The following C10orf105 variants were observed in gnomAD, a reference collection of about 807,000 sequenced individuals.
C10orf105 encodes uncharacterized protein C10orf105.
C10orf105 carries 2 observed loss-of-function variants against 0.6 expected under a neutral mutation model. The ratio of observed to expected loss-of-function variants is 3.18; its 90% CI spans 1.30 to 10.01. The LOEUF (loss-of-function observed/expected upper bound fraction) is 10.01. Ranked by LOEUF, C10orf105 falls within the 30% of genes most tolerant of loss-of-function variation. The pLI is 0.04. For synonymous variants in C10orf105, 95 were observed against 82.4 expected (o/e 1.15, Z -0.83); for missense variants, 209 against 191.4 (o/e 1.09, Z -0.54).
chr10:71,723,914 C>A, upstream of C10orf105: 1 of 988,510 alleles, frequency 1.0e-6, no homozygotes. Flanking sequence ...ACACCCCCAG[C>A]CTCTGAGGGA....
intron 1 of C10orf105, among the ~76,000 whole-genome samples, chr10:71,726,028 C>A (rs1490478338): frequency 6.6e-6 from 1 of 152,184 alleles, no homozygotes; most frequent in Non-Finnish European, 1.5e-5. Context: ...CAAATGTATT[C>A]TTTCCTGCCC....
chr10:71,727,166 C>A (rs1019716543), intron 1 of C10orf105, among the ~76,000 whole-genome samples: 2 of 152,226 alleles, frequency 1.3e-5, no homozygotes, highest in Admixed American at 1.3e-4. Context: ...ACTGTTAATA[C>A]CCCCATCTTA....
At chr10:71,717,763 A>C (rs958910539) in intron 1 of C10orf105, 4 of 152,244 alleles carry the variant, frequency 2.6e-5, no homozygotes, top group African/African-American at 9.6e-5. Context: ...TCCCAAGAGA[A>C]GCCAGAAATC....
At chr10:71,734,600 C>G in intron 1 of C10orf105, 1 of 1,588,202 alleles carries the variant, frequency 6.3e-7, no homozygotes, top group Non-Finnish European at 8.6e-7. Context: ...GACGGCTAAC[C>G]ATTTGCATCT....
intron 1 of C10orf105, among the ~76,000 whole-genome samples, chr10:71,736,245 G>T (rs940430200): frequency 2.0e-5 from 3 of 152,242 alleles, no homozygotes; most frequent in African/African-American, 7.2e-5. Context: ...CCTCTGAGAG[G>T]CTCCCAGGGG....
intron 1 of C10orf105, among the ~76,000 whole-genome samples, chr10:71,724,858 G>C (rs1168835312): frequency 6.6e-6 from 1 of 152,230 alleles, no homozygotes; most frequent in East Asian, 1.9e-4. Context: ...TGGACTGACA[G>C]TAGAGGAGAG....
chr10:71,712,718 G>A lies in C10orf105; in HGVS notation c.*3218C>T, dbSNP rs761607917. On this transcript the variant is annotated 3_prime_UTR_variant, in exon 2 of 2. Transcript: ENST00000441508. ...GGGCACAGCCACCGTGTTCGTCACT[G>A]TCCTGGATGTGAATGACAACCGGCC... 1.9e-6 allele frequency: 3 copies of A among 1,613,734 alleles called. No individual in the cohort carries two copies. The highest frequency in any genetic ancestry group is 2.5e-6 in the Non-Finnish European group (3 of 1,179,868).
In C10orf105 at chr10:71,716,197, G is replaced by T; in HGVS notation, c.141C>A (p.Leu47=). The T allele has an allele frequency of 6.4e-7, 1 of 1,551,278 alleles. No individual in the cohort carries two copies. Among genetic ancestry groups the T allele is most frequent in the East Asian group, 2.4e-5 (1 of 40,916 alleles). ...PMLIALACIF[L]LLATCLLFMT... is the part of the protein sequence containing the mutation. ...TGAACAGCAGACAGGTGGCCAGCAGGAGGAAGATGCAGGCCAGGGCGATGA... is the reference window on the plus strand; with the variant it reads ...TGAACAGCAGACAGGTGGCCAGCAGTAGGAAGATGCAGGCCAGGGCGATGA... Residue 47 remains leucine (L), a synonymous_variant, in exon 2 of 2, where the codon CTC becomes CTA. Transcript: ENST00000441508.
intron 1 of C10orf105, among the ~76,000 whole-genome samples, chr10:71,727,973 G>A (rs1447306287): frequency 6.6e-6 from 1 of 152,126 alleles, no homozygotes; most frequent in Non-Finnish European, 1.5e-5. Flanking sequence ...GTGGCATGTA[G>A]CCAGACTCAT....
In C10orf105 at chr10:71,712,082, T is replaced by C. The variant is rs1228018426; in HGVS notation, c.*3854A>G. On this transcript the variant is annotated 3_prime_UTR_variant, in exon 2 of 2. Transcript: ENST00000441508. ...GAATCAGTCCTTGACCGTCCCAGTT[T>C]CTGGAGTCGCTAGGCATTCGGTGGC... 1 of 153,472 alleles carries C rather than the reference T, an allele frequency of 6.5e-6. No homozygotes were observed. The highest frequency in any genetic ancestry group is 1.5e-5 in the Non-Finnish European group (1 of 68,852). 9.5% of individuals were successfully genotyped at this position (153,472 alleles called of 1,614,324 possible).
At position 71,732,282 on chromosome 10, in the gene C10orf105, C is replaced by A. The variant is rs761003107; in HGVS notation, c.-6+5446G>T. 19 of 1,613,196 alleles carry A rather than the reference C, an allele frequency of 1.2e-5. No individual in the cohort carries two copies. The highest frequency in any genetic ancestry group is 6.8e-6 in the Non-Finnish European group (8 of 1,179,508). On this transcript the variant is annotated intron_variant, in intron 1 of 1. Coordinates refer to the C10orf105 transcript ENST00000398786. ...GTACTGAGATTGTGCGGGTCCAGGC[C>A]TACTCCATCGACAACCTCAACCAAA...
At chr10:71,735,744 G>A (rs562332109) in intron 1 of C10orf105, among the ~76,000 whole-genome samples, 5 of 152,334 alleles carry the variant, frequency 3.3e-5, no homozygotes, top group South Asian at 4.1e-4. Context: ...CAGTTCTAGC[G>A]GCACTGGTTG....
chr10:71,730,344 C>T lies in C10orf105; in HGVS notation c.-6+7384G>A, dbSNP rs199717566. Reference sequence around the variant, plus strand: ...TGACCCACCAGACAGGCCTGGGGTCCTAGAGGGAGCTCACAGCAGGCCCAG... The same window carrying T: ...TGACCCACCAGACAGGCCTGGGGTCTTAGAGGGAGCTCACAGCAGGCCCAG... On this transcript the variant is annotated intron_variant, in intron 1 of 1. Coordinates refer to the C10orf105 transcript ENST00000398786. 77 of 1,269,452 alleles carry T rather than the reference C, an allele frequency of 6.1e-5. No homozygotes were observed. In the East Asian group the frequency reaches 1.5e-3, roughly 25 times the overall value. 78.6% of individuals were successfully genotyped at this position (1,269,452 alleles called of 1,614,324 possible).
chr10:71,718,564 C>T (rs1184574275), intron 1 of C10orf105, among the ~76,000 whole-genome samples: 6 of 152,212 alleles, frequency 3.9e-5, no homozygotes, highest in East Asian at 1.9e-4. Flanking sequence ...GTGTGCCCAC[C>T]GCTCATTCCC....
upstream of C10orf105, among the ~76,000 whole-genome samples, chr10:71,723,671 G>T (rs1419087338): frequency 6.6e-6 from 1 of 152,186 alleles, no homozygotes; most frequent in South Asian, 2.1e-4. Context: ...GCCACCCTGG[G>T]AGAGGCTCCT....
intron 1 of C10orf105, chr10:71,725,556 G>A (rs1028782453): frequency 6.3e-7 from 1 of 1,599,000 alleles, no homozygotes; most frequent in East Asian, 2.3e-5. Context: ...CTGACCTCAG[G>A]ACGGGGCCAA....
In C10orf105 at chr10:71,713,178, C is replaced by T. The variant is rs763114526; in HGVS notation, c.*2758G>A. 1.3e-6 allele frequency: 1 copy of T among 779,386 alleles called. No individual in the cohort carries two copies. Among genetic ancestry groups the T allele is most frequent in the Non-Finnish European group, 2.4e-6 (1 of 417,808 alleles). The allele number at this position is 779,386 out of a possible 1,614,324, so 48.3% of individuals were successfully genotyped here. On this transcript the variant is annotated 3_prime_UTR_variant, in exon 2 of 2. Coordinates refer to ENST00000441508, the MANE Select transcript of C10orf105 (RefSeq NM_001164375.3). ...AAGAGAGCCAGGGCCCAGCAAGGCC[C>T]AGAACAGAGCTGCTTTCACAGAGCC...
rs973075705 is a variant in C10orf105, at chr10:71,716,318, C to T, written c.20G>A (p.Ser7Asn). ...GCTGATGGCTGGGGAGCTGGCGAGG[C>T]TGGGGCCCTCTGTGCTCATGGCTCC... MSTEGPSLASSPAISPL... is the reference protein window; with the variant it reads MSTEGPNLASSPAISPL... Residue 7 changes from serine (S) to asparagine (N), a missense_variant, in exon 2 of 2, where the codon AGC becomes AAC. Transcript: ENST00000441508. 9 of 1,493,842 alleles carry T rather than the reference C, an allele frequency of 6.0e-6. No homozygotes were observed. The highest frequency in any genetic ancestry group is 4.0e-4 in the Middle Eastern group (2 of 4,982). 92.5% of individuals were successfully genotyped at this position (1,493,842 alleles called of 1,614,324 possible).
chr10:71,717,910 T>G (rs1284989413), intron 1 of C10orf105: 2 of 152,204 alleles, frequency 1.3e-5, no homozygotes, highest in Non-Finnish European at 2.9e-5. Context: ...CAAAATAATG[T>G]GAAATGAATT....
Sources: allele counts gnomAD v4.1 joint callset (sites outside exome capture counted in the v4.1 genomes callset), GRCh38; gene constraint gnomAD v4.1.1; transcripts MANE v1.5; gene names NCBI Gene and HGNC (gene_info 2026-07-23, HGNC 2026-07-21).